The following LAMA3 variants were observed in gnomAD, a reference collection of about 807,000 sequenced individuals.
The protein encoded by LAMA3 is laminin subunit alpha-3.
Under a neutral mutation model 402.0 loss-of-function variants are expected in LAMA3, and 281 were observed. The ratio of observed to expected loss-of-function variants is 0.70; its 90% CI spans 0.63 to 0.77. LAMA3 has a LOEUF of 0.77. Among genes scored for constraint, LAMA3 ranks in the 30% least tolerant of loss-of-function variants. The pLI is 0.00. For missense variants in LAMA3, 3,840 were observed against 4,215.5 expected, an observed-to-expected ratio of 0.91 and a Z score of 2.47; for synonymous variants, 1,431 against 1,558.4, an observed-to-expected ratio of 0.92 and a Z score of 1.93.
Position 23,839,871 on chromosome 18 carries a change from C to T in LAMA3, c.3278C>T (p.Pro1093Leu), listed in dbSNP as rs768289565. The T allele has an allele frequency of 1.9e-6, 3 of 1,614,176 alleles. No homozygotes were observed. The Admixed American group carries it at 5.0e-5, about 27-fold the overall frequency. ...VLSGRPFPHL[P>L]QQSSPSVDVL... ...AGTGGCAGGCCTTTCCCTCACCTGC[C>T]CCAGCAGTCGTCACCTTCTGTTGAT... Residue 1093 changes from proline (P) to leucine (L), a missense_variant, in exon 27 of 75, where the codon CCC (proline) becomes CTC (leucine). Transcript: ENST00000313654. The surrounding 1 kb of genome is among the most constrained non-coding windows in gnomAD (Gnocchi z 4.5).
chr18:23,853,501 G>C (rs1189273482), intron 32 of LAMA3, among the ~76,000 whole-genome samples: 1 of 152,082 alleles, frequency 6.6e-6, no homozygotes, highest in Non-Finnish European at 1.5e-5. Flanking sequence ...TCGAACTCCC[G>C]ACCTCAGGTG....
rs772403870 is a variant in LAMA3 at position 23,901,261 on chromosome 18, G to C, written c.6139G>C (p.Ala2047Pro). 4.3e-6 allele frequency: 7 copies of C among 1,614,074 alleles called. No individual in the cohort carries two copies. In the African/African-American group the frequency reaches 8.0e-5, roughly 18 times the overall value. ...DLRARLQEAA[A>P]QAKQANGLNQ... Reference sequence around the variant, plus strand: ...TCGTGCTCGGCTGCAGGAGGCAGCTGCCCAAGCCAAGCAGGCAAATGGCTT... The same window carrying C: ...TCGTGCTCGGCTGCAGGAGGCAGCTCCCCAAGCCAAGCAGGCAAATGGCTT... Residue 2047 changes from alanine to proline, a missense_variant, in exon 48 of 75, where the codon GCC becomes CCC. Physicochemically the swap from Ala to Pro is conservative, Grantham distance 27. Around this residue, in one of 3 missense-constraint regions of LAMA3, gnomAD observed 891 missense variants for 857.5 expected, o/e 1.04. Transcript: ENST00000313654.
At chr18:23,733,627 C>T (rs1025409575) in intron 2 of LAMA3, among the ~76,000 whole-genome samples, 5 of 152,088 alleles carry the variant, frequency 3.3e-5, no homozygotes, top group Admixed American at 2.0e-4. Flanking sequence ...AGGAAGGTTT[C>T]GCAAAGAAGG....
chr18:23,846,191 C>A, intron 30 of LAMA3, 106 bp from the exon 31 acceptor site: 1 of 1,118,714 alleles, frequency 8.9e-7, no homozygotes. Context: ...AACCATGAGC[C>A]CGTCCCACAG....
At chr18:23,894,654 T>C (rs2145058179) in intron 43 of LAMA3, among the ~76,000 whole-genome samples, 1 of 152,348 alleles carries the variant, frequency 6.6e-6, no homozygotes, top group East Asian at 1.9e-4. Flanking sequence ...ATCCCATAGA[T>C]GAAGGCTATT....
chr18:23,871,050 C>T (rs114427570), intron 37 of LAMA3, among the ~76,000 whole-genome samples: 431 of 152,278 alleles, frequency 2.8e-3, no homozygotes, highest in African/African-American at 9.6e-3. Flanking sequence ...TTTCTGTCAC[C>T]GATGTGTACG....
At chr18:23,703,518 G>A (rs1008316737) in intron 1 of LAMA3, among the ~76,000 whole-genome samples, 1 of 152,120 alleles carries the variant, frequency 6.6e-6, no homozygotes, top group African/African-American at 2.4e-5. Context: ...CCTAGAATTT[G>A]GAGTTTTGCA....
At chr18:23,854,647 AT>A (rs1420389036) in intron 32 of LAMA3, among the ~76,000 whole-genome samples, 2 of 150,744 alleles carry the variant, frequency 1.3e-5, no homozygotes, top group African/African-American at 4.9e-5. Context: ...TCTCAAAAAA[AT>A]AAATAAATAA....
chr18:23,860,261 C>CTTTTTT (rs59852195), intron 34 of LAMA3, among the ~76,000 whole-genome samples: 1,768 of 112,324 alleles, frequency 0.016, 1 homozygote, highest in Non-Finnish European at 0.022. Flanking sequence ...CTTTTCTTTT[C>CTTTTTT]TTTTTTTTTT....
intron 2 of LAMA3, among the ~76,000 whole-genome samples, chr18:23,724,339 G>C (rs2061262268): frequency 6.6e-6 from 1 of 152,136 alleles, no homozygotes; most frequent in African/African-American, 2.4e-5. Context: ...GAAAATAAAA[G>C]GGTTCTATAG....
intron 2 of LAMA3, among the ~76,000 whole-genome samples, chr18:23,735,398 A>T (rs1050247237): frequency 6.6e-6 from 1 of 152,248 alleles, no homozygotes; most frequent in Non-Finnish European, 1.5e-5. Context: ...AGAGAGTTGT[A>T]GAGCTATGCG....
chr18:23,911,863 A>G (rs1390421637), intron 55 of LAMA3, among the ~76,000 whole-genome samples: 1 of 146,640 alleles, frequency 6.8e-6, no homozygotes, highest in East Asian at 1.9e-4. Context: ...CTGCTTTTAT[A>G]TATTAAATAA....
chr18:23,939,162 T>A (rs1185215631), intron 67 of LAMA3, 61 bp from the exon 68 acceptor site: 1 of 1,531,956 alleles, frequency 6.5e-7, no homozygotes, highest in African/African-American at 1.4e-5. Flanking sequence ...GCAATGTACT[T>A]AGCAAGATAA....
intron 65 of LAMA3, 56 bp from the exon 66 acceptor site, chr18:23,932,104 C>G: frequency 1.9e-6 from 3 of 1,608,728 alleles, no homozygotes; most frequent in Non-Finnish European, 2.5e-6. Flanking sequence ...GGCCACATGG[C>G]AAGGGCCCTT....
At chr18:23,880,224 G>A (rs781608475) in intron 39 of LAMA3, among the ~76,000 whole-genome samples, 8 of 152,168 alleles carry the variant, frequency 5.3e-5, no homozygotes, top group Non-Finnish European at 1.0e-4. Context: ...TGGACCCATA[G>A]TGCAGTGAGA....
At position 23,946,237 on chromosome 18, in the gene LAMA3, A is replaced by G. The variant is rs2082708029; in HGVS notation, c.9304A>G (p.Ile3102Val). Residue 3102 changes from isoleucine to valine, a missense_variant, in exon 70 of 75, where the codon ATC becomes GTC. Transcript: ENST00000313654. ...GSLPGNSTIS[I>V]RAPVYLGSPP... The stretch of plus-strand genomic sequence containing the variant: ...TTTGCCTGGAAACTCCACCATCAGC[A>G]TCAGAGCGCCAGTTTACCTGGGATC... The G allele has an allele frequency of 1.9e-6, 3 of 1,614,070 alleles. No homozygotes were observed. The highest frequency in any genetic ancestry group is 2.7e-5 in the African/African-American group (2 of 74,926).
intron 2 of LAMA3, among the ~76,000 whole-genome samples, chr18:23,739,432 C>T (rs2061527660): frequency 6.6e-6 from 1 of 152,136 alleles, no homozygotes; most frequent in African/African-American, 2.4e-5. Context: ...AAGTGAGCTT[C>T]GTTATGCCCT....
At chr18:23,812,986 A>C in intron 13 of LAMA3, 71 bp from the exon 14 acceptor site, 2 of 1,079,048 alleles carry the variant, frequency 1.9e-6, no homozygotes, top group Non-Finnish European at 2.9e-6. Context: ...AAAACGTTTA[A>C]AACTTGAAAC....
chr18:23,932,022 T>G (rs2039017817), intron 65 of LAMA3, 138 bp from the exon 66 acceptor site: 1 of 1,061,200 alleles, frequency 9.4e-7, no homozygotes, highest in African/African-American at 1.6e-5. Context: ...GTAATGCTCT[T>G]TAAAAATAAA....
Sources: gnomAD v4.1 joint callset for allele counts (sites outside exome capture counted in the v4.1 genomes callset) on GRCh38, gnomAD v4.1.1 for gene constraint, gnomAD v4.1.1 regional missense constraint, Gnocchi (gnomAD v3.1) non-coding constraint, MANE v1.5 for transcripts, NCBI Gene and HGNC (gene_info 2026-07-23, HGNC 2026-07-21) for gene names.